EEFSEC: variants seen among roughly 807,000 people sequenced by gnomAD.
The protein encoded by EEFSEC is eukaryotic elongation factor, selenocysteine-tRNA specific.
A neutral mutation model predicts 42.1 loss-of-function variants in EEFSEC; 43 were observed. The ratio of observed to expected loss-of-function variants is 1.02; its 90% CI spans 0.80 to 1.32. EEFSEC has a LOEUF of 1.32. Ranked by LOEUF, EEFSEC falls within the 40% of genes most tolerant of loss-of-function variation. The probability of loss-of-function intolerance (pLI) is 0.00; values close to 1 mark genes in which losing one functional copy is unlikely to be tolerated. For synonymous variants in EEFSEC, 354 were observed against 339.1 expected, an observed-to-expected ratio of 1.04 and a Z score of -0.48; for missense variants, 745 against 803.6, an observed-to-expected ratio of 0.93 and a Z score of 0.88.
chr3:128,369,264 G>A (rs544764554), intron 6 of EEFSEC, among the ~76,000 whole-genome samples: 1 of 152,348 alleles, frequency 6.6e-6, no homozygotes, highest in East Asian at 1.9e-4. Context: ...GACAGGACAC[G>A]ATGAGCCCTG....
intron 4 of EEFSEC, among the ~76,000 whole-genome samples, chr3:128,306,370 A>T (rs1217716631): frequency 2.0e-5 from 3 of 152,212 alleles, no homozygotes; most frequent in African/African-American, 7.2e-5. Flanking sequence ...GCCTTTTGAT[A>T]TATAAATATT....
intron 5 of EEFSEC, among the ~76,000 whole-genome samples, chr3:128,346,722 A>G (rs986217428): frequency 6.6e-6 from 1 of 152,230 alleles, no homozygotes; most frequent in Non-Finnish European, 1.5e-5. Flanking sequence ...TGAGCACCTC[A>G]TCAGGTCTCA....
At chr3:128,258,914 T>C (rs945621299) in intron 2 of EEFSEC, among the ~76,000 whole-genome samples, 1 of 152,170 alleles carries the variant, frequency 6.6e-6, no homozygotes, top group Non-Finnish European at 1.5e-5. Flanking sequence ...CCTAGGCTGA[T>C]GGAGGATTGT....
intron 6 of EEFSEC, among the ~76,000 whole-genome samples, chr3:128,401,015 G>T (rs961480418): frequency 2.6e-5 from 4 of 152,194 alleles, no homozygotes; most frequent in Admixed American, 2.6e-4. Flanking sequence ...TTCATCAGGG[G>T]GTGGAGCAGG....
At chr3:128,425,700 C>G in the EEFSEC span, among the ~76,000 whole-genome samples, 32 of 152,120 alleles carry the variant, frequency 2.1e-4, no homozygotes, top group Non-Finnish European at 4.4e-4. Flanking sequence ...TGAACGAGCT[C>G]TGCCCTCCTG....
intron 3 of EEFSEC, among the ~76,000 whole-genome samples, chr3:128,264,405 A>G (rs2066330146): frequency 6.6e-6 from 1 of 152,188 alleles, no homozygotes; most frequent in African/African-American, 2.4e-5. Context: ...GACTGAGCGG[A>G]AAGAGCTGAG....
chr3:128,310,085 CTG>C (rs888613878), intron 4 of EEFSEC, among the ~76,000 whole-genome samples: 2 of 152,214 alleles, frequency 1.3e-5, no homozygotes, highest in African/African-American at 4.8e-5. Flanking sequence ...GGTGCGGTAT[CTG>C]TGCTTTTCAG....
At chr3:128,305,429 G>A (rs1338626528) in intron 4 of EEFSEC, among the ~76,000 whole-genome samples, 2 of 152,152 alleles carry the variant, frequency 1.3e-5, no homozygotes, top group Non-Finnish European at 2.9e-5. Context: ...TTTTTAAACA[G>A]TTAAAATAGT....
At chr3:128,269,896 G>A (rs940328917) in intron 4 of EEFSEC, among the ~76,000 whole-genome samples, 2 of 152,226 alleles carry the variant, frequency 1.3e-5, no homozygotes, top group Non-Finnish European at 2.9e-5. Flanking sequence ...GATGTTTCTG[G>A]TGATGATTGG....
chr3:128,217,831 G>C (rs1335273565), intron 1 of EEFSEC, among the ~76,000 whole-genome samples: 1 of 152,166 alleles, frequency 6.6e-6, no homozygotes, highest in Non-Finnish European at 1.5e-5. Context: ...ATGAGAAAGA[G>C]TCAAATATTA....
intron 1 of EEFSEC, among the ~76,000 whole-genome samples, chr3:128,208,146 G>C (rs2065719319): frequency 6.6e-6 from 1 of 152,152 alleles, no homozygotes; most frequent in South Asian, 2.1e-4. Context: ...ATTTAAAATG[G>C]AGCAGCCCAC....
chr3:128,275,423 C>T (rs1466416090), intron 4 of EEFSEC, among the ~76,000 whole-genome samples: 1 of 152,232 alleles, frequency 6.6e-6, no homozygotes, highest in Non-Finnish European at 1.5e-5. Flanking sequence ...TCAGCTTGCA[C>T]ACCCATGAAG....
chr3:128,173,969 A>G (rs1369672298), intron 1 of EEFSEC, among the ~76,000 whole-genome samples: 2 of 152,218 alleles, frequency 1.3e-5, no homozygotes, highest in Non-Finnish European at 2.9e-5. Flanking sequence ...TTCCAGCCCT[A>G]TCCGCATTCT....
chr3:128,368,921 C>T (rs1374076921), intron 6 of EEFSEC, among the ~76,000 whole-genome samples: 2 of 152,236 alleles, frequency 1.3e-5, no homozygotes, highest in Non-Finnish European at 2.9e-5. Flanking sequence ...AGCACAGCCA[C>T]GGTGGCATTA....
At chr3:128,345,520 T>C (rs1576657421) in intron 5 of EEFSEC, among the ~76,000 whole-genome samples, 1 of 152,350 alleles carries the variant, frequency 6.6e-6, no homozygotes, top group East Asian at 1.9e-4. Context: ...TCACAGTTAC[T>C]AGTCAGCTTT....
chr3:128,235,710 A>G (rs1391914251), intron 1 of EEFSEC, among the ~76,000 whole-genome samples: 1 of 152,186 alleles, frequency 6.6e-6, no homozygotes, highest in Non-Finnish European at 1.5e-5. Context: ...TTTTATGTAC[A>G]TGTCATGGTT....
intron 1 of EEFSEC, among the ~76,000 whole-genome samples, chr3:128,169,009 A>G (rs1576513683): frequency 6.6e-6 from 1 of 152,208 alleles, no homozygotes; most frequent in Admixed American, 6.5e-5. Context: ...CTAGTGGTCA[A>G]CAAAGCAGAA....
chr3:128,293,660 CAAAAAAA>C (rs759485696), intron 4 of EEFSEC, among the ~76,000 whole-genome samples: 703 of 14,086 alleles, frequency 0.05, 13 homozygotes, highest in African/African-American at 0.095. Context: ...GACTCTATCT[CAAAAAAA>C]AAAAAAAAAA....
chr3:128,289,667 C>T (rs1168095909), intron 4 of EEFSEC, among the ~76,000 whole-genome samples: 1 of 152,218 alleles, frequency 6.6e-6, no homozygotes, highest in African/African-American at 2.4e-5. Context: ...AACATGTCTG[C>T]AGCCTGGATC....
Sources: allele counts gnomAD v4.1 joint callset (sites outside exome capture counted in the v4.1 genomes callset), GRCh38; gene constraint gnomAD v4.1.1; transcripts MANE v1.5; gene names NCBI Gene and HGNC (gene_info 2026-07-23, HGNC 2026-07-21).